The following USP53 variants were observed in gnomAD, a reference collection of about 807,000 sequenced individuals.
The protein encoded by USP53 is ubiquitin carboxyl-terminal hydrolase 53.
A neutral mutation model predicts 94.9 loss-of-function variants in USP53; 71 were observed. That is an observed-to-expected ratio of 0.75 (90% confidence interval 0.62 to 0.91). The LOEUF is 0.91. Among genes scored for constraint, USP53 ranks in the 40% least tolerant of loss-of-function variants. The pLI, the probability that USP53 is intolerant of heterozygous loss-of-function variation, is 0.00. For synonymous variants in USP53, 375 were observed against 422.7 expected (o/e 0.89, Z 1.39); for missense variants, 1,173 against 1,281.0 (o/e 0.92, Z 1.29).
At chr4:119,256,385 A>G in intron 8 of USP53, 26 bp downstream of exon 8, 1 of 1,613,042 alleles carries the variant, frequency 6.2e-7, no homozygotes, top group South Asian at 1.1e-5. Flanking sequence ...TATTATTTAG[A>G]TATTGTAGTT....
At chr4:119,278,068 T>C (rs902167480) in intron 17 of USP53, among the ~76,000 whole-genome samples, 16 of 150,252 alleles carry the variant, frequency 1.1e-4, no homozygotes, top group African/African-American at 3.0e-4. Context: ...TGCCAGTCTG[T>C]GTCTTTTAAT....
In USP53 at chr4:119,284,678, T is replaced by G. The variant is rs1037750139; in HGVS notation, c.2252-6487T>G. 4.0e-5 allele frequency among the ~76,000 whole-genome samples: 6 copies of G among 151,888 alleles called. No individual in the cohort carries two copies. In the South Asian group the frequency reaches 1.0e-3, roughly 26 times the overall value. Reference sequence around the variant, plus strand: ...CAAGTAAAAAGTTAAAAGATTACAGTAGACTAATGGTTGCACAGCAGTGTG... The same window carrying G: ...CAAGTAAAAAGTTAAAAGATTACAGGAGACTAATGGTTGCACAGCAGTGTG... On this transcript the variant is annotated intron_variant, in intron 17 of 18. Coordinates refer to ENST00000692078, the MANE Select transcript of USP53 (RefSeq NM_001371395.1).
At chr4:119,213,647 T>TTAGATATAC (rs201030853) in intron 1 of USP53, among the ~76,000 whole-genome samples, 1 of 123,074 alleles carries the variant, frequency 8.1e-6, no homozygotes, top group Non-Finnish European at 1.7e-5. Context: ...AATAGATATA[T>TTAGATATAC]ATATATATAT....
Position 119,291,162 on chromosome 4 carries a change from TAG to T in USP53, c.2252-2_2252-1del. The T allele has an allele frequency of 3.5e-6, 2 of 567,428 alleles. No homozygotes were observed. The highest frequency in any genetic ancestry group is 5.8e-6 in the Non-Finnish European group (2 of 343,090). 35.1% of individuals were successfully genotyped at this position (567,428 alleles called of 1,614,324 possible). A position where few individuals can be genotyped will look rare whatever the true frequency, so the allele number is the denominator to read the frequency against. ...CTCTTCTCCCCACCCCACCCAACCC[TAG>T]GCTTTAGAAAAGAACTCAGGAATTT... On this transcript the variant is annotated splice_acceptor_variant, in intron 17 of 18. Transcript: ENST00000692078. LOFTEE classifies it high-confidence loss of function.
chr4:119,262,548 T>A lies in USP53; in HGVS notation c.972+684T>A, dbSNP rs114221615. Among the ~76,000 whole-genome samples the A allele has an allele frequency of 8.7e-3, 1,321 of 152,224 alleles. 16 individuals are homozygous for A. The highest frequency in any genetic ancestry group is 0.03 in the African/African-American group (1,232 of 41,540). ...GCAAGAAAAAAAGTTACTTAGAAAA[T>A]TATAAGCAAAAGAAAATATATTTAC... On this transcript the variant is annotated intron_variant, in intron 12 of 18. Transcript: ENST00000692078.
chr4:119,243,304 C>T (rs1262651407), intron 5 of USP53, among the ~76,000 whole-genome samples: 1 of 152,076 alleles, frequency 6.6e-6, no homozygotes, highest in East Asian at 1.9e-4. Context: ...TTGAGACCAG[C>T]TTAGCGAACA....
At chr4:119,278,002 G>T (rs373638396) in intron 17 of USP53, among the ~76,000 whole-genome samples, 5 of 141,520 alleles carry the variant, frequency 3.5e-5, no homozygotes, top group Admixed American at 2.2e-4. Context: ...GTCTCTGCAC[G>T]TGAGATGGGT....
intron 8 of USP53, 27 bp from the exon 9 acceptor site, chr4:119,256,414 A>G (rs766520944): frequency 1.2e-5 from 20 of 1,613,520 alleles, no homozygotes; most frequent in Non-Finnish European, 1.6e-5. Context: ...TGATTGATAG[A>G]TTAAACATAT....
At chr4:119,287,350 G>A (rs1312212313) in intron 17 of USP53, among the ~76,000 whole-genome samples, 2 of 152,016 alleles carry the variant, frequency 1.3e-5, no homozygotes, top group Non-Finnish European at 2.9e-5. Flanking sequence ...ATGGAGCGAT[G>A]TTGGCATAGA....
chr4:119,226,862 C>T lies in USP53; in HGVS notation c.-664-8428C>T, dbSNP rs538688714. ...TTGTTTTTGTTTTGAAACAAGGTCT[C>T]ACACTCTGTCACCCAAGCTGAAGTG... is the stretch of plus-strand genomic sequence containing the variant. On this transcript the variant is annotated intron_variant, in intron 3 of 18. Transcript: ENST00000692078. Among the ~76,000 whole-genome samples the T allele has an allele frequency of 2.6e-5, 4 of 152,258 alleles. No homozygotes were observed. The South Asian group carries it at 8.3e-4, about 32-fold the overall frequency.
intron 12 of USP53, among the ~76,000 whole-genome samples, chr4:119,264,971 C>G (rs775422578): frequency 6.6e-6 from 1 of 152,136 alleles, no homozygotes; most frequent in Non-Finnish European, 1.5e-5. Context: ...GCAAGAAGGA[C>G]TGAACTATTG....
At chr4:119,228,749 C>T (rs1417737150) in intron 3 of USP53, among the ~76,000 whole-genome samples, 1 of 152,122 alleles carries the variant, frequency 6.6e-6, no homozygotes, top group Non-Finnish European at 1.5e-5. Context: ...TTGATTACAA[C>T]TTACACCTCC....
Position 119,293,456 on chromosome 4 carries a change from C to A in USP53, c.*245C>A. The A allele has an allele frequency of 6.0e-6, 2 of 335,638 alleles. No individual in the cohort carries two copies. Among genetic ancestry groups the A allele is most frequent in the Non-Finnish European group, 5.4e-6 (1 of 186,852 alleles). 20.8% of individuals were successfully genotyped at this position (335,638 alleles called of 1,614,324 possible). A position where few individuals can be genotyped will look rare whatever the true frequency, so the allele number is the denominator to read the frequency against. ...ATATGTATGTGTATATGTGTATACA[C>A]ATATATAATTTTATGATCAATATCT... is the stretch of plus-strand genomic sequence containing the variant. On this transcript the variant is annotated 3_prime_UTR_variant, in exon 19 of 19. Transcript: ENST00000692078.
rs1464784728 is a variant in USP53 at position 119,261,752 on chromosome 4, G to T, written c.860G>T (p.Ser287Ile). Residue 287 changes from serine to isoleucine, a missense_variant, in exon 12 of 19, where the codon AGT (serine) becomes ATT (isoleucine). Transcript: ENST00000692078. ...YRVTDENAKNSELNLVGMICY... is the reference protein window; with the variant it reads ...YRVTDENAKNIELNLVGMICY... ...GTTACTGATGAAAATGCCAAAAATA[G>T]TGAACTTAACCTTGTTGGTATGATC... The T allele has an allele frequency of 6.4e-7, 1 of 1,562,570 alleles. No homozygotes were observed. The highest frequency in any genetic ancestry group is 1.3e-5 in the African/African-American group (1 of 74,404).
At chr4:119,223,026 T>C (rs767868650) in intron 3 of USP53, among the ~76,000 whole-genome samples, 1 of 152,226 alleles carries the variant, frequency 6.6e-6, no homozygotes, top group Non-Finnish European at 1.5e-5. Flanking sequence ...CCAGTAAATC[T>C]GAATTTTCAC....
intron 3 of USP53, among the ~76,000 whole-genome samples, chr4:119,230,513 A>T (rs1434969165): frequency 6.6e-6 from 1 of 152,154 alleles, no homozygotes; most frequent in African/African-American, 2.4e-5. Flanking sequence ...GACCCTTGAT[A>T]GGTGTCCCTC....
At chr4:119,227,458 G>A (rs1276213213) in intron 3 of USP53, among the ~76,000 whole-genome samples, 1 of 151,976 alleles carries the variant, frequency 6.6e-6, no homozygotes, top group Non-Finnish European at 1.5e-5. Context: ...GTGAAACCCC[G>A]ACTCTACTAC....
At chr4:119,288,167 G>A (rs1174393949) in intron 17 of USP53, among the ~76,000 whole-genome samples, 1 of 151,752 alleles carries the variant, frequency 6.6e-6, no homozygotes, top group African/African-American at 2.4e-5. Flanking sequence ...GCTAGATTAG[G>A]CACTAAAACT....
intron 7 of USP53, among the ~76,000 whole-genome samples, chr4:119,249,962 C>T (rs1384313990): frequency 2.0e-5 from 3 of 152,096 alleles, no homozygotes; most frequent in Admixed American, 2.0e-4. Flanking sequence ...CTGCGACTGG[C>T]CTTATGTCCT....
Sources: allele counts gnomAD v4.1 joint callset (sites outside exome capture counted in the v4.1 genomes callset), GRCh38; gene constraint gnomAD v4.1.1; transcripts MANE v1.5; gene names NCBI Gene and HGNC (gene_info 2026-07-23, HGNC 2026-07-21).